Variants in LRRIQ3 observed in about 807,000 individuals in gnomAD.
LRRIQ3 encodes leucine rich repeats and IQ motif containing 3.
Under a neutral mutation model 59.3 loss-of-function variants are expected in LRRIQ3, and 75 were observed. The observed-to-expected ratio is 1.26, with a 90% CI of 1.05 to 1.53. The LOEUF (loss-of-function observed/expected upper bound fraction) is 1.53. LRRIQ3 is among the 40% of genes most tolerant of loss of function. The pLI, the probability that LRRIQ3 is intolerant of heterozygous loss-of-function variation, is 0.00. For missense variants in LRRIQ3, 831 were observed against 710.0 expected, an observed-to-expected ratio of 1.17 and a Z score of -1.94; for synonymous variants, 250 against 231.3, an observed-to-expected ratio of 1.08 and a Z score of -0.73.
At chr1:74,146,292 A>C (rs1337406802) in intron 4 of LRRIQ3, among the ~76,000 whole-genome samples, 2 of 152,208 alleles carry the variant, frequency 1.3e-5, no homozygotes, top group Admixed American at 6.5e-5. Flanking sequence ...TGTTATTTAT[A>C]ATGTAAAATC....
At chr1:74,078,615 T>C (rs961652859) in intron 5 of LRRIQ3, 5 of 151,910 alleles carry the variant, frequency 3.3e-5, no homozygotes, top group Admixed American at 3.3e-4. Flanking sequence ...CTAAGCTGTA[T>C]TAAGCATTTC....
In LRRIQ3 at chr1:74,047,169, A is replaced by G. The variant is rs1036852989; in HGVS notation, c.998-5236T>C. On this transcript the variant is annotated intron_variant, in intron 6 of 7. Coordinates refer to ENST00000354431, the MANE Select transcript of LRRIQ3 (RefSeq NM_001105659.2). ...TATGTTTATTGTGGCACTGTTCACTATAGGAAAGACTTGGAACCAACCCAA... is the reference window on the plus strand; with the variant it reads ...TATGTTTATTGTGGCACTGTTCACTGTAGGAAAGACTTGGAACCAACCCAA... 2.3e-4 allele frequency among the ~76,000 whole-genome samples: 35 copies of G among 152,302 alleles called. 1 individual carries two copies. The highest frequency in any genetic ancestry group is 8.4e-4 in the African/African-American group (35 of 41,582).
chr1:74,036,672 C>T (rs777415828), intron 7 of LRRIQ3, among the ~76,000 whole-genome samples: 1 of 152,082 alleles, frequency 6.6e-6, no homozygotes, highest in Non-Finnish European at 1.5e-5. Flanking sequence ...TGCCATATTT[C>T]CCACCTCAAT....
At chr1:74,177,630 A>T (rs186034351) in intron 3 of LRRIQ3, among the ~76,000 whole-genome samples, 129 of 152,084 alleles carry the variant, frequency 8.5e-4, no homozygotes, top group African/African-American at 3.0e-3. Flanking sequence ...TAAGATATTA[A>T]TATGTTTATT....
chr1:74,028,626 G>C (rs756754902), intron 7 of LRRIQ3, among the ~76,000 whole-genome samples: 1 of 151,934 alleles, frequency 6.6e-6, no homozygotes, highest in Non-Finnish European at 1.5e-5. Flanking sequence ...ATAGTTAAGA[G>C]TACAGGTAGT....
At position 74,177,675 on chromosome 1, in the gene LRRIQ3, TTA is replaced by T. The variant is rs1649728733; in HGVS notation, c.573+4861_573+4862del. On this transcript the variant is annotated intron_variant, in intron 3 of 7. Coordinates refer to ENST00000354431, the MANE Select transcript of LRRIQ3 (RefSeq NM_001105659.2). ...ATCTTAAGGAATTATATGTTTTACA[TTA>T]TATGTTTTAAGGAACATATATTTTA... Among the ~76,000 whole-genome samples the T allele has an allele frequency of 2.0e-5, 3 of 151,826 alleles. No individual in the cohort carries two copies. In the South Asian group the frequency reaches 6.2e-4, roughly 31 times the overall value.
intron 6 of LRRIQ3, among the ~76,000 whole-genome samples, chr1:74,070,348 C>T (rs538438369): frequency 1.3e-5 from 2 of 152,078 alleles, no homozygotes; most frequent in East Asian, 3.9e-4. Flanking sequence ...AGCTGGAGGC[C>T]ATTATTCTAA....
At chr1:74,102,672 A>G (rs1016105338) in intron 5 of LRRIQ3, among the ~76,000 whole-genome samples, 1 of 151,956 alleles carries the variant, frequency 6.6e-6, no homozygotes, top group African/African-American at 2.4e-5. Context: ...AACACTTCCT[A>G]GTTCCTTTCT....
chr1:74,077,112 G>A (rs1217351370), intron 5 of LRRIQ3, among the ~76,000 whole-genome samples: 1 of 152,004 alleles, frequency 6.6e-6, no homozygotes, highest in Non-Finnish European at 1.5e-5. Flanking sequence ...AATACAATGT[G>A]TGGCACTATT....
chr1:74,058,946 T>C (rs1654619532), intron 6 of LRRIQ3, among the ~76,000 whole-genome samples: 1 of 152,072 alleles, frequency 6.6e-6, no homozygotes, highest in Non-Finnish European at 1.5e-5. Context: ...GTTTCCAATT[T>C]CTCCTTATCT....
At chr1:74,050,730 T>G (rs1654345434) in intron 6 of LRRIQ3, among the ~76,000 whole-genome samples, 1 of 152,126 alleles carries the variant, frequency 6.6e-6, no homozygotes, top group African/African-American at 2.4e-5. Context: ...TAAGTTTAGG[T>G]GAAGCAAAGA....
intron 4 of LRRIQ3, among the ~76,000 whole-genome samples, chr1:74,141,571 AT>A (rs1181822117): frequency 6.6e-6 from 1 of 151,922 alleles, no homozygotes; most frequent in Non-Finnish European, 1.5e-5. Flanking sequence ...ACATTAGCTT[AT>A]TCAATAATTA....
intron 4 of LRRIQ3, among the ~76,000 whole-genome samples, chr1:74,126,650 T>C (rs1377753428): frequency 1.3e-5 from 2 of 151,946 alleles, no homozygotes; most frequent in African/African-American, 4.8e-5. Context: ...TCCATGTGTT[T>C]GTATAGTTTC....
Position 74,121,845 on chromosome 1 carries a change from G to A in LRRIQ3, c.708-12292C>T, listed in dbSNP as rs190987306. Reference sequence around the variant, plus strand: ...GAGAACATGCAGTTTTTGGTTTTTTGTCCTTGCGACAGTTTGCTGAGAATG... The same window carrying A: ...GAGAACATGCAGTTTTTGGTTTTTTATCCTTGCGACAGTTTGCTGAGAATG... On this transcript the variant is annotated intron_variant, in intron 4 of 7. Coordinates refer to ENST00000354431, the MANE Select transcript of LRRIQ3 (RefSeq NM_001105659.2). Among the ~76,000 whole-genome samples the A allele has an allele frequency of 1.2e-3, 182 of 149,370 alleles. 1 individual carries two copies. Among genetic ancestry groups the A allele is most frequent in the African/African-American group, 4.4e-3 (179 of 40,592 alleles).
Position 74,141,662 on chromosome 1 carries a change from T to C in LRRIQ3, c.707+14071A>G, listed in dbSNP as rs1286735852. 4.6e-5 allele frequency among the ~76,000 whole-genome samples: 7 copies of C among 152,048 alleles called. No homozygotes were observed. The East Asian group carries it at 1.4e-3, about 29-fold the overall frequency. ...TTTCTAAATATGTATTAGATACGTA[T>C]TTTGTTTGATAAAAAATGTTCTGAT... On this transcript the variant is annotated intron_variant, in intron 4 of 7. Coordinates refer to ENST00000354431, the MANE Select transcript of LRRIQ3 (RefSeq NM_001105659.2).
chr1:74,156,052 A>G (rs922955629), intron 3 of LRRIQ3, among the ~76,000 whole-genome samples, 186 bp from the exon 4 acceptor site: 4 of 152,144 alleles, frequency 2.6e-5, no homozygotes, highest in Admixed American at 2.6e-4. Context: ...TTGAAATGCA[A>G]TCCCCAATGT....
Position 74,155,734 on chromosome 1 carries a change from T to A in LRRIQ3, c.706A>T (p.Ser236Cys), listed in dbSNP as rs1483612640. The change falls in exon 4 of 8, where the codon AGC becomes TGC. Residue 236 changes from serine (S) to cysteine (C), a missense_variant and splice_region_variant. By Grantham distance (112) the Ser-to-Cys change is moderately radical. Transcript: ENST00000354431. ...IRGFLVRKNL[S>C]PVFFHKKKQQ... Reference sequence around the variant, plus strand: ...AATGGTAAAGAAAACAAAACATACCTCAAATTTTTTCTAACTAAGAAACCA... The same window carrying A: ...AATGGTAAAGAAAACAAAACATACCACAAATTTTTTCTAACTAAGAAACCA... 6.4e-7 allele frequency: 1 copy of A among 1,568,830 alleles called. No homozygotes were observed. Among genetic ancestry groups the A allele is most frequent in the Non-Finnish European group, 8.6e-7 (1 of 1,165,696 alleles).
intron 5 of LRRIQ3, among the ~76,000 whole-genome samples, chr1:74,100,046 G>A (rs1382550952): frequency 6.6e-6 from 1 of 152,140 alleles, no homozygotes; most frequent in Non-Finnish European, 1.5e-5. Context: ...AGTGTTGGAA[G>A]TTCTGGCCAG....
chr1:74,122,470 C>A (rs1032572140), intron 4 of LRRIQ3, among the ~76,000 whole-genome samples: 3 of 151,610 alleles, frequency 2.0e-5, no homozygotes, highest in African/African-American at 7.3e-5. Flanking sequence ...GGTACTGGTA[C>A]CAAAACAGAG....
Sources: allele counts gnomAD v4.1 joint callset (sites outside exome capture counted in the v4.1 genomes callset), GRCh38; gene constraint gnomAD v4.1.1; transcripts MANE v1.5; gene names NCBI Gene and HGNC (gene_info 2026-07-23, HGNC 2026-07-21).